The following CSMD1 variants were observed in gnomAD, a reference collection of about 807,000 sequenced individuals.
CSMD1 encodes the protein CUB and sushi domain-containing protein 1.
CSMD1 carries 213 observed loss-of-function variants against 417.5 expected under a neutral mutation model. The ratio of observed to expected loss-of-function variants is 0.51; its 90% CI spans 0.46 to 0.57. CSMD1 has a LOEUF of 0.57. CSMD1 is among the 20% of genes least tolerant of loss of function. The pLI, the probability that CSMD1 is intolerant of heterozygous loss-of-function variation, is 0.00. For synonymous variants in CSMD1, 2,862 were observed against 1,736.8 expected (o/e 1.65, Z -16.11); for missense variants, 6,923 against 4,529.7 (o/e 1.53, Z -15.17).
intron 3 of CSMD1, among the ~76,000 whole-genome samples, chr8:4,186,318 C>T (rs1308514719): frequency 6.6e-6 from 1 of 152,090 alleles, no homozygotes. Flanking sequence ...AGTCAGCTTT[C>T]CAACTGGGAC....
intron 3 of CSMD1, among the ~76,000 whole-genome samples, chr8:4,143,201 C>T (rs1224873515): frequency 6.6e-6 from 1 of 151,096 alleles, no homozygotes; most frequent in Admixed American, 6.6e-5. Flanking sequence ...AGAATGTTTC[C>T]CTGTCCACAG....
chr8:3,948,037 C>G (rs1376284290), intron 5 of CSMD1, among the ~76,000 whole-genome samples: 5 of 152,114 alleles, frequency 3.3e-5, no homozygotes, highest in Non-Finnish European at 7.3e-5. Context: ...AAAACCCCGT[C>G]TCTACTAAAA....
intron 3 of CSMD1, among the ~76,000 whole-genome samples, chr8:4,047,392 C>T (rs916544784): frequency 4.6e-5 from 7 of 152,146 alleles, no homozygotes; most frequent in African/African-American, 1.7e-4. Context: ...CTTGGAAACT[C>T]AGGAAATATT....
chr8:3,591,227 A>G (rs1448056388), intron 8 of CSMD1, among the ~76,000 whole-genome samples: 1 of 152,208 alleles, frequency 6.6e-6, no homozygotes, highest in African/African-American at 2.4e-5. Context: ...ACAAAGCAGC[A>G]AAATTTTGAC....
intron 6 of CSMD1, among the ~76,000 whole-genome samples, chr8:3,723,828 C>A (rs965641819): frequency 6.6e-6 from 1 of 152,142 alleles, no homozygotes; most frequent in Non-Finnish European, 1.5e-5. Flanking sequence ...TACCAAATCA[C>A]GGATGAGTAA....
At chr8:3,281,560 T>G (rs1802740766) in intron 26 of CSMD1, among the ~76,000 whole-genome samples, 1 of 152,174 alleles carries the variant, frequency 6.6e-6, no homozygotes, top group South Asian at 2.1e-4. Context: ...AGTGTCTTAC[T>G]AAGTGAAAGA....
At position 3,870,801 on chromosome 8, in the gene CSMD1, T is replaced by C. The variant is rs144504755; in HGVS notation, c.819-116759A>G. On this transcript the variant is annotated intron_variant, in intron 5 of 69. Transcript: ENST00000635120. ...AGCTACTCAGGAATTGCATTCTTAT[T>C]GTAAAACATACACAGGAGAGAAAGA... Among the ~76,000 whole-genome samples, 659 of 152,260 alleles carry C rather than the reference T, an allele frequency of 4.3e-3. 5 individuals carry two copies. Among genetic ancestry groups the C allele is most frequent in the African/African-American group, 0.015 (622 of 41,556 alleles).
At chr8:2,996,603 A>G (rs1024111995) in intron 54 of CSMD1, among the ~76,000 whole-genome samples, 9 of 152,220 alleles carry the variant, frequency 5.9e-5, no homozygotes, top group African/African-American at 2.2e-4. Context: ...GCTCCAGAGC[A>G]TATTTTGCTA....
Position 3,124,957 on chromosome 8 carries a change from T to C in CSMD1, c.6242-6370A>G, listed in dbSNP as rs116784123. On this transcript the variant is annotated intron_variant, in intron 41 of 69. Coordinates refer to ENST00000635120, the MANE Select transcript of CSMD1 (RefSeq NM_033225.6). ...CACTAAGTAAGAGCATCAGTTACAC[T>C]ATTTTTTGGTCTTTGTTCCAAATGT... Among the ~76,000 whole-genome samples, 1,501 of 152,326 alleles carry C rather than the reference T, an allele frequency of 9.9e-3. 30 individuals are homozygous for C. Among genetic ancestry groups the C allele is most frequent in the African/African-American group, 0.034 (1,424 of 41,578 alleles).
chr8:4,741,174 T>C (rs1000133319), intron 1 of CSMD1, among the ~76,000 whole-genome samples: 7 of 152,176 alleles, frequency 4.6e-5, no homozygotes, highest in Non-Finnish European at 5.9e-5. Context: ...TAGACACTTA[T>C]GTAAGTGTCA....
intron 3 of CSMD1, among the ~76,000 whole-genome samples, chr8:4,199,305 G>T (rs923282620): frequency 2.0e-5 from 3 of 152,134 alleles, no homozygotes; most frequent in Non-Finnish European, 4.4e-5. Context: ...CAGTGTATGG[G>T]TGCTTTTTCA....
chr8:4,257,911 A>G (rs1585111052), intron 3 of CSMD1, among the ~76,000 whole-genome samples: 2 of 152,312 alleles, frequency 1.3e-5, no homozygotes, highest in Non-Finnish European at 2.9e-5. Flanking sequence ...AACAACAACA[A>G]CCACCACTTT....
rs1198754771 is a variant in CSMD1, at chr8:3,546,355, G to A, written c.1344+28590C>T. On this transcript the variant is annotated intron_variant, in intron 10 of 69. Transcript: ENST00000635120. ...TCGAGACCATCTTGGCAAACATGATGAAATCCCCATCTCTACTAAAAATAC... is the reference window on the plus strand; with the variant it reads ...TCGAGACCATCTTGGCAAACATGATAAAATCCCCATCTCTACTAAAAATAC... Among the ~76,000 whole-genome samples the A allele has an allele frequency of 3.9e-5, 6 of 152,006 alleles. No individual in the cohort carries two copies. In the East Asian group the frequency reaches 7.8e-4, roughly 20 times the overall value.
intron 3 of CSMD1, among the ~76,000 whole-genome samples, chr8:4,168,998 T>G (rs183126384): frequency 6.6e-6 from 1 of 152,124 alleles, no homozygotes; most frequent in Non-Finnish European, 1.5e-5. Context: ...CCTACTATCT[T>G]ATCAGCCGCT....
chr8:4,863,620 A>G (rs1339349723), intron 1 of CSMD1, among the ~76,000 whole-genome samples: 1 of 151,864 alleles, frequency 6.6e-6, no homozygotes, highest in African/African-American at 2.4e-5. Flanking sequence ...CAACACTCCC[A>G]CCTCTCCATA....
At chr8:4,157,442 T>C (rs1286446796) in intron 3 of CSMD1, among the ~76,000 whole-genome samples, 2 of 152,158 alleles carry the variant, frequency 1.3e-5, no homozygotes, top group Non-Finnish European at 2.9e-5. Flanking sequence ...TATTTTCCCC[T>C]ACCTCCTTCC....
At chr8:4,910,869 T>C (rs1805620770) in intron 1 of CSMD1, among the ~76,000 whole-genome samples, 1 of 152,188 alleles carries the variant, frequency 6.6e-6, no homozygotes, top group Non-Finnish European at 1.5e-5. Context: ...CCAAATCTCA[T>C]CTTGAATTCC....
rs376139205 is a variant in CSMD1, at chr8:4,177,382, C to T, written c.416-145283G>A. On this transcript the variant is annotated intron_variant, in intron 3 of 69. Transcript: ENST00000635120. ...AAATAAAGATGTTCTTTGAAACCAACGAGAACAAAGACACAACATACCAGA... is the reference window on the plus strand; with the variant it reads ...AAATAAAGATGTTCTTTGAAACCAATGAGAACAAAGACACAACATACCAGA... Among the ~76,000 whole-genome samples, 1,401 of 152,004 alleles carry T rather than the reference C, an allele frequency of 9.2e-3. 18 individuals are homozygous for T. Among genetic ancestry groups the T allele is most frequent in the African/African-American group, 0.031 (1,287 of 41,438 alleles).
intron 12 of CSMD1, among the ~76,000 whole-genome samples, chr8:3,437,257 C>G (rs1417989618): frequency 6.6e-6 from 1 of 152,202 alleles, no homozygotes; most frequent in African/African-American, 2.4e-5. Context: ...CCACCATTCA[C>G]TGAAGACAAC....
Sources: gnomAD v4.1 joint callset for allele counts (sites outside exome capture counted in the v4.1 genomes callset) on GRCh38, gnomAD v4.1.1 for gene constraint, MANE v1.5 for transcripts, NCBI Gene and HGNC (gene_info 2026-07-23, HGNC 2026-07-21) for gene names.